EYS: variants seen among roughly 807,000 people sequenced by gnomAD.
EYS encodes the protein EGF-like photoreceptor maintenance factor.
In EYS, 250 loss-of-function variants were observed where a neutral mutation model predicts 282.1. The ratio of observed to expected loss-of-function variants is 0.89; its 90% CI spans 0.80 to 0.98. The LOEUF is 0.98. EYS is among the 50% of genes least tolerant of loss of function. EYS has a pLI of 0.00. For synonymous variants in EYS, 1,355 were observed against 1,282.9 expected, an observed-to-expected ratio of 1.06 and a Z score of -1.20; for missense variants, 4,016 against 3,709.0, an observed-to-expected ratio of 1.08 and a Z score of -2.15.
At chr6:64,146,623 A>AG (rs1562224230) in intron 31 of EYS, among the ~76,000 whole-genome samples, 1 of 152,176 alleles carries the variant, frequency 6.6e-6, no homozygotes, top group Non-Finnish European at 1.5e-5. Context: ...TGAAAAGTGT[A>AG]GGACATGCTT....
chr6:64,472,993 T>C (rs897124123), intron 26 of EYS, among the ~76,000 whole-genome samples: 3 of 152,124 alleles, frequency 2.0e-5, no homozygotes, highest in East Asian at 1.9e-4. Flanking sequence ...CCACAAGAAA[T>C]TACTAATTTT....
At chr6:65,033,432 C>T (rs1772666024) in intron 13 of EYS, among the ~76,000 whole-genome samples, 1 of 152,144 alleles carries the variant, frequency 6.6e-6, no homozygotes. Flanking sequence ...CCATCACAGG[C>T]CAGGAGGCCT....
At chr6:64,175,613 G>C (rs983083184) in intron 31 of EYS, among the ~76,000 whole-genome samples, 1 of 152,156 alleles carries the variant, frequency 6.6e-6, no homozygotes. Context: ...GCACATGCCA[G>C]GGCATAAAGA....
At chr6:64,011,404 A>G (rs796267217) in intron 33 of EYS, among the ~76,000 whole-genome samples, 12 of 152,266 alleles carry the variant, frequency 7.9e-5, no homozygotes, top group African/African-American at 2.9e-4. Context: ...GAGAGGTAGG[A>G]TGAAAAAAAA....
intron 5 of EYS, among the ~76,000 whole-genome samples, chr6:65,446,937 C>T (rs1768684719): frequency 6.6e-6 from 1 of 151,624 alleles, no homozygotes; most frequent in African/African-American, 2.4e-5. Flanking sequence ...ATAATTTATA[C>T]AGTTTTCATA....
intron 13 of EYS, among the ~76,000 whole-genome samples, chr6:65,011,678 A>G (rs1407765135): frequency 6.6e-6 from 1 of 152,202 alleles, no homozygotes; most frequent in African/African-American, 2.4e-5. Context: ...TAGGCCGACT[A>G]AGAATCCCTA....
At chr6:64,362,211 G>T (rs574683977) in intron 29 of EYS, among the ~76,000 whole-genome samples, 37 of 151,756 alleles carry the variant, frequency 2.4e-4, no homozygotes, top group Non-Finnish European at 4.6e-4. Context: ...ACAACAGTAA[G>T]ACATAGAAAA....
intron 15 of EYS, among the ~76,000 whole-genome samples, chr6:64,937,956 A>G (rs1048677951): frequency 6.6e-6 from 1 of 151,692 alleles, no homozygotes; most frequent in Non-Finnish European, 1.5e-5. Context: ...AAAGAAACAA[A>G]GTCCTTATAA....
rs1476625741 is a variant in EYS at position 65,495,229 on chromosome 6, C to T, written c.182G>A (p.Gly61Asp). Reference protein sequence around the residue: ...LDFYRDCWFLGVNTKIDTSGN... With the variant: ...LDFYRDCWFLDVNTKIDTSGN... Reference sequence around the variant, plus strand: ...TGAAGTATCTATTTTAGTGTTTACACCCAAAAACCAGCAATCTCTGTAGAA... The same window carrying T: ...TGAAGTATCTATTTTAGTGTTTACATCCAAAAACCAGCAATCTCTGTAGAA... The change falls in exon 4 of 43, where the codon GGT (glycine) becomes GAT (aspartate). Residue 61 changes from glycine (G) to aspartate (D), a missense_variant. By Grantham distance (94) the Gly-to-Asp change is moderately conservative. Transcript: ENST00000503581. 1.2e-6 allele frequency: 2 copies of T among 1,614,018 alleles called. No individual in the cohort carries two copies. Among genetic ancestry groups the T allele is most frequent in the African/African-American group, 1.3e-5 (1 of 74,910 alleles).
chr6:64,624,236 A>G lies in EYS; in HGVS notation c.3568+1885T>C, dbSNP rs547557776. Among the ~76,000 whole-genome samples, 3 of 152,276 alleles carry G rather than the reference A, an allele frequency of 2.0e-5. No individual in the cohort carries two copies. In the East Asian group the frequency reaches 5.8e-4, roughly 29 times the overall value. ...AAAAATGTCCTCATGCTTACAAGTG[A>G]ATCCAGAGTAGTGGAATCAACCTAC... On this transcript the variant is annotated intron_variant, in intron 23 of 42. Coordinates refer to ENST00000503581, the MANE Select transcript of EYS (RefSeq NM_001142800.2).
intron 19 of EYS, among the ~76,000 whole-genome samples, chr6:64,830,999 G>A (rs1388546873): frequency 6.6e-6 from 1 of 151,932 alleles, no homozygotes; most frequent in East Asian, 2.0e-4. Flanking sequence ...ACTATGAAGG[G>A]GCCATCCCCA....
rs575092725 is a variant in EYS, at chr6:63,802,429, C to T, written c.7411+3761G>A. Among the ~76,000 whole-genome samples, 186 of 151,688 alleles carry T rather than the reference C, an allele frequency of 1.2e-3. 1 individual carries two copies. The highest frequency in any genetic ancestry group is 6.8e-3 in the Middle Eastern group (2 of 292). ...TGTATACCTATGTAACAAACCTGCA[C>T]GTTCTGCACATGCATCCCAGAACTT... On this transcript the variant is annotated intron_variant, in intron 37 of 42. Coordinates refer to ENST00000503581, the MANE Select transcript of EYS (RefSeq NM_001142800.2).
At chr6:64,057,898 C>T (rs894044614) in intron 33 of EYS, among the ~76,000 whole-genome samples, 2 of 152,064 alleles carry the variant, frequency 1.3e-5, no homozygotes, top group African/African-American at 4.8e-5. Context: ...GTGGTACGAC[C>T]TTGGCTCACT....
chr6:65,111,944 C>T (rs1477460493), intron 12 of EYS, among the ~76,000 whole-genome samples: 1 of 152,088 alleles, frequency 6.6e-6, no homozygotes, highest in Non-Finnish European at 1.5e-5. Context: ...CCCAGAAAAC[C>T]TTACTCACTT....
intron 29 of EYS, among the ~76,000 whole-genome samples, chr6:64,358,409 C>T (rs1343195097): frequency 6.6e-6 from 1 of 151,618 alleles, no homozygotes; most frequent in Admixed American, 6.6e-5. Flanking sequence ...CACCAAAGTG[C>T]TCTGGTACCT....
intron 18 of EYS, among the ~76,000 whole-genome samples, chr6:64,889,319 G>T (rs2150064801): frequency 6.6e-6 from 1 of 151,910 alleles, no homozygotes; most frequent in African/African-American, 2.4e-5. Context: ...ATGTCTTTTT[G>T]TCATGATGAA....
intron 35 of EYS, among the ~76,000 whole-genome samples, chr6:63,967,593 T>C (rs551567559): frequency 5.5e-4 from 84 of 152,274 alleles, no homozygotes; most frequent in South Asian, 4.1e-3. Context: ...ATAAGCAAGT[T>C]TGGAAAAATT....
intron 40 of EYS, among the ~76,000 whole-genome samples, chr6:63,764,801 G>C (rs1315154243): frequency 6.6e-6 from 1 of 151,656 alleles, no homozygotes; most frequent in African/African-American, 2.4e-5. Flanking sequence ...AGAATTTTTA[G>C]GTCTGAAACA....
At chr6:64,041,184 G>A (rs536361026) in intron 33 of EYS, among the ~76,000 whole-genome samples, 1 of 151,994 alleles carries the variant, frequency 6.6e-6, no homozygotes, top group Non-Finnish European at 1.5e-5. Flanking sequence ...TGACAGAAAG[G>A]ATCATATGGA....
Sources: allele counts gnomAD v4.1 joint callset (sites outside exome capture counted in the v4.1 genomes callset), GRCh38; gene constraint gnomAD v4.1.1; transcripts MANE v1.5; gene names NCBI Gene and HGNC (gene_info 2026-07-23, HGNC 2026-07-21).